The following MUC3A variants were observed in gnomAD, a reference collection of about 807,000 sequenced individuals.
MUC3A encodes the protein mucin-3A.
In MUC3A, 109 loss-of-function variants were observed where a neutral mutation model predicts 109.0. The observed-to-expected ratio is 1.00, with a 90% CI of 0.86 to 1.17. The LOEUF (loss-of-function observed/expected upper bound fraction) is 1.17. Ranked by LOEUF, MUC3A falls within the 50% of genes most tolerant of loss-of-function variation. The pLI, the probability that MUC3A is intolerant of heterozygous loss-of-function variation, is 0.00. For missense variants in MUC3A, 3,537 were observed against 2,469.4 expected (o/e 1.43, Z -9.16); for synonymous variants, 1,398 against 981.4 (o/e 1.42, Z -7.93).
chr7:100,964,905 A>G, intron 6 of MUC3A, 62 bp downstream of exon 6: 4 of 1,531,604 alleles, frequency 2.6e-6, no homozygotes, highest in African/African-American at 1.4e-5. Flanking sequence ...ACTCCAGCTC[A>G]GCCAGGGGGC....
At chr7:100,963,481 T>G (rs998951662) in intron 4 of MUC3A, among the ~76,000 whole-genome samples, 1 of 152,312 alleles carries the variant, frequency 6.6e-6, no homozygotes, top group African/African-American at 2.4e-5. Flanking sequence ...GAGACGGGTT[T>G]TCACTATGTT....
At position 100,952,204 on chromosome 7, in the gene MUC3A, C is replaced by T. The variant is rs777946965; in HGVS notation, c.425C>T (p.Thr142Ile). 3 of 1,598,434 alleles carry T rather than the reference C, an allele frequency of 1.9e-6. No homozygotes were observed. Among genetic ancestry groups the T allele is most frequent in the South Asian group, 1.1e-5 (1 of 91,096 alleles). ...TSFIITISHP[T>I]SICVTTTQVA... Reference sequence around the variant, plus strand: ...TTTATAATCACCATCTCCCACCCCACCTCCATCTGTGTGACCACGACGCAG... The same window carrying T: ...TTTATAATCACCATCTCCCACCCCATCTCCATCTGTGTGACCACGACGCAG... The change falls in exon 2 of 12, where the codon ACC (threonine) becomes ATC (isoleucine). Residue 142 changes from threonine to isoleucine, a missense_variant. Transcript: ENST00000379458.
In MUC3A at chr7:100,965,953, G is replaced by A. The variant is rs1243222589; in HGVS notation, c.9611+87G>A. The A allele has an allele frequency of 7.4e-6, 11 of 1,478,788 alleles. No homozygotes were observed. In the Middle Eastern group the frequency reaches 8.3e-4, roughly 111 times the overall value. The allele number at this position is 1,478,788 out of a possible 1,614,324, so 91.6% of individuals were successfully genotyped here. On this transcript the variant is annotated intron_variant, in intron 8 of 11. Coordinates refer to ENST00000379458, the MANE Select transcript of MUC3A (RefSeq NM_005960.2). Reference sequence around the variant, plus strand: ...CTGCCCCATGCTCCGCCCCGGCTCCGCGCCCTGGGCCTACAGTGGAGCCTC... The same window carrying A: ...CTGCCCCATGCTCCGCCCCGGCTCCACGCCCTGGGCCTACAGTGGAGCCTC...
chr7:100,959,135 CA>C lies in MUC3A; in HGVS notation c.7357del (p.Ser2453AlafsTer18), dbSNP rs752652891. ...GTTCTTCAACCATCTACTCCACAGTCAGCACATCCACAACTGCCATCACCTC... is the reference window on the plus strand; with the variant it reads ...GTTCTTCAACCATCTACTCCACAGTCGCACATCCACAACTGCCATCACCTC... ...LSSSTIYSTV[S>X]TSTTAITSHF... On this transcript the variant is annotated frameshift_variant, in exon 2 of 12. Coordinates refer to ENST00000379458, the MANE Select transcript of MUC3A (RefSeq NM_005960.2). LOFTEE classifies it high-confidence loss of function. 6.3e-7 allele frequency: 1 copy of C among 1,591,434 alleles called. No homozygotes were observed. Among genetic ancestry groups the C allele is most frequent in the South Asian group, 1.1e-5 (1 of 90,740 alleles).
rs6961167 is a variant in MUC3A, at chr7:100,964,852, A to C, written c.9382+9A>C. On this transcript the variant is annotated intron_variant, in intron 6 of 11. Transcript: ENST00000379458. ...CTGCCAGGACTCCCAGAGTGAGCCC[A>C]GGCTGGAGGGAGGGGCCAGGGCCTG... 2 of 1,586,832 alleles carry C rather than the reference A, an allele frequency of 1.3e-6. No individual in the cohort carries two copies. Among genetic ancestry groups the C allele is most frequent in the Admixed American group, 1.7e-5 (1 of 59,382 alleles).
Position 100,951,978 on chromosome 7 carries a change from G to C in MUC3A, c.199G>C (p.Ala67Pro). 6.3e-7 allele frequency: 1 copy of C among 1,598,670 alleles called. No individual in the cohort carries two copies. The highest frequency in any genetic ancestry group is 8.5e-7 in the Non-Finnish European group (1 of 1,179,816). The change falls in exon 2 of 12, where the codon GCT (alanine) becomes CCT (proline). Residue 67 changes from alanine (A) to proline (P), a missense_variant. Physicochemically the swap from Ala to Pro is conservative, Grantham distance 27. Coordinates refer to ENST00000379458, the MANE Select transcript of MUC3A (RefSeq NM_005960.2). ...TGGTGTCCCCCAGCTCGCCTCTCCT[G>C]CTCCTGGCCACAGGGAAAATGCACC... is the stretch of plus-strand genomic sequence containing the variant. ...PLGVPQLASP[A>P]PGHRENAPMT...
chr7:100,959,623 C>G lies in MUC3A; in HGVS notation c.7844C>G (p.Thr2615Ser). The change falls in exon 2 of 12, where the codon ACT (threonine) becomes AGT (serine). Residue 2615 changes from threonine to serine, a missense_variant. Coordinates refer to ENST00000379458, the MANE Select transcript of MUC3A (RefSeq NM_005960.2). ...TCCACGTCCACTCTTCATACTCTTA[C>G]TCCATCAACAGCCTTGAGCACGATC... ...DSSTSTLHTLTPSTALSTIVS... is the reference protein window; with the variant it reads ...DSSTSTLHTLSPSTALSTIVS... 1 of 1,598,418 alleles carries G rather than the reference C, an allele frequency of 6.3e-7. No homozygotes were observed.
chr7:100,966,369 C>T lies in MUC3A; in HGVS notation c.9612-17C>T, dbSNP rs775037835. On this transcript the variant is annotated splice_polypyrimidine_tract_variant and intron_variant, in intron 8 of 11. Transcript: ENST00000379458. Reference sequence around the variant, plus strand: ...AGCCCGGAGGTGAAGAGGGTCTGACCCTGCGATCTCCCGCAGCTGCTACTC... The same window carrying T: ...AGCCCGGAGGTGAAGAGGGTCTGACTCTGCGATCTCCCGCAGCTGCTACTC... 5 of 1,322,006 alleles carry T rather than the reference C, an allele frequency of 3.8e-6. No individual in the cohort carries two copies. The highest frequency in any genetic ancestry group is 3.1e-5 in the Admixed American group (1 of 32,130). The allele number at this position is 1,322,006 out of a possible 1,614,324, so 81.9% of individuals were successfully genotyped here.
chr7:100,951,215 C>T (rs185837771), intron 1 of MUC3A, among the ~76,000 whole-genome samples: 61 of 152,368 alleles, frequency 4.0e-4, no homozygotes, highest in Admixed American at 3.9e-3. Flanking sequence ...AGACTGGTCT[C>T]GAACTCCTGA....
intron 5 of MUC3A, chr7:100,964,058 C>T: frequency 1.8e-6 from 1 of 566,580 alleles, no homozygotes; most frequent in Admixed American, 3.1e-5. Flanking sequence ...AGTGGGTCAG[C>T]ATTAGAAAGA....
intron 8 of MUC3A, 183 bp downstream of exon 8, chr7:100,966,049 T>TCGCCCTAAAGTGTAGCCCCGACTCC: frequency 4.7e-6 from 4 of 855,046 alleles, no homozygotes; most frequent in Non-Finnish European, 6.7e-6. Flanking sequence ...GCTCTGCTCC[T>TCGCCCTAAAGTGTAGCCCCGACTCC]TTGATGGGGT....
chr7:100,962,841 C>G (rs1421296572), intron 3 of MUC3A, among the ~76,000 whole-genome samples: 1 of 138,908 alleles, frequency 7.2e-6, no homozygotes, highest in African/African-American at 2.6e-5. Context: ...TTCTTTTTCT[C>G]TCTCTCTCTC....
Position 100,967,466 on chromosome 7 carries a change from T to C in MUC3A, c.*304T>C. 1.7e-6 allele frequency: 1 copy of C among 578,890 alleles called. No individual in the cohort carries two copies. Among genetic ancestry groups the C allele is most frequent in the Non-Finnish European group, 3.1e-6 (1 of 325,880 alleles). The allele number at this position is 578,890 out of a possible 1,614,324, so 35.9% of individuals were successfully genotyped here. On this transcript the variant is annotated 3_prime_UTR_variant, in exon 12 of 12. Coordinates refer to ENST00000379458, the MANE Select transcript of MUC3A (RefSeq NM_005960.2). ...TGTATGATAGCTCACGCCGTTGTTG[T>C]GAAAACCACATAGACTTGGTCAATT...
At position 100,959,179 on chromosome 7, in the gene MUC3A, A is replaced by G. The variant is rs745437211; in HGVS notation, c.7400A>G (p.Glu2467Gly). The G allele has an allele frequency of 1.3e-6, 2 of 1,595,082 alleles. No individual in the cohort carries two copies. The highest frequency in any genetic ancestry group is 3.4e-5 in the Admixed American group (2 of 59,588). Reference protein sequence around the residue: ...TAITSHFTTSETAVTPTPVTP... With the variant: ...TAITSHFTTSGTAVTPTPVTP... ...ATCACCTCACATTTTACTACCTCAG[A>G]GACTGCGGTGACTCCCACACCTGTA... The change falls in exon 2 of 12, where the codon GAG (glutamate) becomes GGG (glycine). Residue 2467 changes from glutamate to glycine, a missense_variant. By Grantham distance (98) the Glu-to-Gly change is moderately conservative (BLOSUM62 -2). Transcript: ENST00000379458.
chr7:100,959,874 A>T lies in MUC3A; in HGVS notation c.8095A>T (p.Ile2699Leu), dbSNP rs748319946. The T allele has an allele frequency of 2.6e-6, 4 of 1,555,688 alleles. No individual in the cohort carries two copies. Among genetic ancestry groups the T allele is most frequent in the Non-Finnish European group, 3.5e-6 (4 of 1,159,122 alleles). ...GTCCTCTTCTCCATCTTCTGCCAGCATAACTCCAGTGTTTTCCACTACCAT... is the reference window on the plus strand; with the variant it reads ...GTCCTCTTCTCCATCTTCTGCCAGCTTAACTCCAGTGTTTTCCACTACCAT... ...IMSSSPSSAS[I>L]TPVFSTTIHS... The change falls in exon 2 of 12, where the codon ATA becomes TTA. Residue 2699 changes from isoleucine to leucine, a missense_variant. Physicochemically the swap from Ile to Leu is conservative, Grantham distance 5. Transcript: ENST00000379458.
At chr7:100,965,369 G>A in intron 7 of MUC3A, 22 bp downstream of exon 7, 1 of 1,595,534 alleles carries the variant, frequency 6.3e-7, no homozygotes, top group Non-Finnish European at 8.5e-7. Flanking sequence ...GTAAAGGGCT[G>A]AGTGGTCTCC....
chr7:100,964,826 G>A lies in MUC3A; in HGVS notation c.9365G>A (p.Ser3122Asn). Residue 3122 changes from serine (S) to asparagine (N), a missense_variant, in exon 6 of 12, where the codon AGC becomes AAC. Physicochemically the swap from Ser to Asn is conservative, Grantham distance 46. Transcript: ENST00000379458. ...GLQNASQDVN[S>N]CQDSQTLCFK... ...CAGAACGCCAGCCAGGATGTGAACA[G>A]CTGCCAGGACTCCCAGAGTGAGCCC... The A allele has an allele frequency of 1.3e-6, 2 of 1,597,920 alleles. No individual in the cohort carries two copies. The highest frequency in any genetic ancestry group is 1.7e-4 in the Middle Eastern group (1 of 6,058).
chr7:100,961,343 G>T (rs2904856), intron 3 of MUC3A, among the ~76,000 whole-genome samples: 4 of 48,984 alleles, frequency 8.2e-5, no homozygotes, highest in African/African-American at 3.8e-4. Flanking sequence ...CGGCTCCAGG[G>T]AAGAATCCAT....
chr7:100,960,335 T>C lies in MUC3A; in HGVS notation c.8556T>C (p.Thr2852=). 1 of 1,598,552 alleles carries C rather than the reference T, an allele frequency of 6.3e-7. No homozygotes were observed. Among genetic ancestry groups the C allele is most frequent in the Non-Finnish European group, 8.5e-7 (1 of 1,179,828 alleles). ...ISPNASSSTG[T]GTVPTNTVFT... ...CCAATGCTTCCAGTTCCACTGGCAC[T>C]GGGACTGTACCCACAAACACAGTTT... is the stretch of plus-strand genomic sequence containing the variant. Residue 2852 remains threonine, a synonymous_variant, in exon 2 of 12, where the codon ACT becomes ACC. Transcript: ENST00000379458.
Sources: allele counts gnomAD v4.1 joint callset (sites outside exome capture counted in the v4.1 genomes callset), GRCh38; gene constraint gnomAD v4.1.1; transcripts MANE v1.5; gene names NCBI Gene and HGNC (gene_info 2026-07-23, HGNC 2026-07-21).